Variants in ABCA13 observed in about 807,000 individuals in gnomAD.
ABCA13 encodes ATP-binding cassette sub-family A member 13.
ABCA13 carries 476 observed loss-of-function variants against 478.7 expected under a neutral mutation model. The observed-to-expected ratio is 0.99, with a 90% CI of 0.92 to 1.07. ABCA13 has a LOEUF of 1.07. Ranked by LOEUF, ABCA13 falls within the 50% of genes least tolerant of loss-of-function variation. ABCA13 has a pLI of 0.00. For synonymous variants in ABCA13, 2,252 were observed against 2,158.9 expected, an observed-to-expected ratio of 1.04 and a Z score of -1.20; for missense variants, 6,060 against 5,910.6, an observed-to-expected ratio of 1.03 and a Z score of -0.83.
rs371333701 is a variant in ABCA13 at position 48,403,790 on chromosome 7, C to T, written c.11981C>T (p.Ser3994Leu). The part of the protein sequence containing the change: ...LSLGIAFMGM[S>L]RTVVLDEPTS... ...CTTGGCATTGCTTTCATGGGCATGTCGAGGACCGTGGTTCTGGATGAGCCC... is the reference window on the plus strand; with the variant it reads ...CTTGGCATTGCTTTCATGGGCATGTTGAGGACCGTGGTTCTGGATGAGCCC... The change falls in exon 39 of 62, where the codon TCG (serine) becomes TTG (leucine). Residue 3994 changes from serine (S) to leucine (L), a missense_variant. Transcript: ENST00000435803. 1.5e-5 allele frequency: 24 copies of T among 1,613,908 alleles called. No individual in the cohort carries two copies. The highest frequency in any genetic ancestry group is 6.7e-5 in the African/African-American group (5 of 75,032).
chr7:48,329,747 A>G (rs1005504772), intron 27 of ABCA13, among the ~76,000 whole-genome samples: 2 of 151,958 alleles, frequency 1.3e-5, no homozygotes, highest in African/African-American at 4.8e-5. Flanking sequence ...CCATCCACAC[A>G]TCTATCTGTC....
intron 20 of ABCA13, among the ~76,000 whole-genome samples, chr7:48,293,849 G>A (rs1217121825): frequency 6.6e-6 from 1 of 152,178 alleles, no homozygotes; most frequent in African/African-American, 2.4e-5. Flanking sequence ...GGTTAGAGAT[G>A]TGGAGAGTGG....
intron 3 of ABCA13, among the ~76,000 whole-genome samples, chr7:48,206,973 A>G (rs1371457419): frequency 6.6e-6 from 1 of 151,992 alleles, no homozygotes; most frequent in African/African-American, 2.4e-5. Context: ...CCTCACCACT[A>G]CCCTTCTCAG....
At chr7:48,574,117 A>G (rs1190951742) in intron 55 of ABCA13, among the ~76,000 whole-genome samples, 4 of 152,044 alleles carry the variant, frequency 2.6e-5, no homozygotes, top group African/African-American at 9.7e-5. Flanking sequence ...TATTATTATT[A>G]TTACTATTAT....
At chr7:48,244,909 T>A (rs1791436959) in intron 11 of ABCA13, among the ~76,000 whole-genome samples, 1 of 152,184 alleles carries the variant, frequency 6.6e-6, no homozygotes, top group Non-Finnish European at 1.5e-5. Flanking sequence ...AAGGGCACAG[T>A]GAAGAGCGCA....
chr7:48,567,456 A>ATT (rs891482418), intron 55 of ABCA13, among the ~76,000 whole-genome samples: 54 of 152,246 alleles, frequency 3.5e-4, no homozygotes, highest in South Asian at 6.2e-4. Context: ...TAGGGAGCTC[A>ATT]TTGAGATTGG....
At chr7:48,513,678 T>C (rs1312032827) in intron 51 of ABCA13, among the ~76,000 whole-genome samples, 1 of 152,188 alleles carries the variant, frequency 6.6e-6, no homozygotes, top group African/African-American at 2.4e-5. Context: ...TTTAAAATCA[T>C]TAAAATGATA....
intron 4 of ABCA13, among the ~76,000 whole-genome samples, chr7:48,220,664 C>G (rs1787233532): frequency 6.6e-6 from 1 of 152,146 alleles, no homozygotes; most frequent in African/African-American, 2.4e-5. Context: ...CAAAATGTAT[C>G]AAAATAGACC....
intron 15 of ABCA13, among the ~76,000 whole-genome samples, chr7:48,253,977 C>CT (rs999693519): frequency 6.7e-6 from 1 of 150,076 alleles, no homozygotes; most frequent in African/African-American, 2.5e-5. Flanking sequence ...AATGTTTCTT[C>CT]TTTTTTCTAT....
intron 3 of ABCA13, among the ~76,000 whole-genome samples, chr7:48,210,825 T>G (rs1212441450): frequency 6.6e-6 from 1 of 152,180 alleles, no homozygotes; most frequent in Admixed American, 6.5e-5. Context: ...AGCTGTTGGA[T>G]GGAATGTTCT....
intron 48 of ABCA13, among the ~76,000 whole-genome samples, chr7:48,490,996 A>G (rs1177264309): frequency 5.3e-5 from 8 of 152,198 alleles, no homozygotes; most frequent in Non-Finnish European, 1.2e-4. Flanking sequence ...TTTCAGACAG[A>G]TGGGAGAAAA....
intron 4 of ABCA13, among the ~76,000 whole-genome samples, chr7:48,219,904 ACACAC>A (rs1787115200): frequency 6.7e-6 from 1 of 149,530 alleles, no homozygotes; most frequent in Non-Finnish European, 1.5e-5. Context: ...ACACACACAC[ACACAC>A]ACACACACAC....
Position 48,298,512 on chromosome 7 carries a change from T to G in ABCA13, c.9321+25T>G, listed in dbSNP as rs774835682. ...GGTGTGGTGCTGTTTCTTGTCTGTC[T>G]GTTTTGCTCATGGAAGGAGCCTTAG... On this transcript the variant is annotated intron_variant, in intron 23 of 61. Transcript: ENST00000435803. 14 of 1,602,948 alleles carry G rather than the reference T, an allele frequency of 8.7e-6. No individual in the cohort carries two copies. In the African/African-American group the frequency reaches 1.5e-4, roughly 17 times the overall value.
In ABCA13 at chr7:48,273,682, A is replaced by G. The variant is rs745404734; in HGVS notation, c.4016A>G (p.His1339Arg). 1.9e-6 allele frequency: 3 copies of G among 1,608,044 alleles called. No homozygotes were observed. Among genetic ancestry groups the G allele is most frequent in the East Asian group, 2.2e-5 (1 of 44,750 alleles). ...EAIVFLRNVS[H>R]DRDLFSCADI... ...ATAGTATTTCTTAGAAATGTATCAC[A>G]TGATCGAGATTTGTTTTCCTGTGCT... Residue 1339 changes from histidine (H) to arginine (R), a missense_variant, in exon 17 of 62, where the codon CAT (histidine) becomes CGT (arginine). Physicochemically the swap from His to Arg is conservative, Grantham distance 29 (BLOSUM62 0). This residue lies in a region of ABCA13 where 4,423 missense variants were observed against 4,309.1 expected (regional missense o/e 1.03). Coordinates refer to ENST00000435803, the MANE Select transcript of ABCA13 (RefSeq NM_152701.5).
intron 19 of ABCA13, among the ~76,000 whole-genome samples, chr7:48,286,809 T>G (rs1797826131): frequency 6.6e-6 from 1 of 152,198 alleles, no homozygotes; most frequent in South Asian, 2.1e-4. Context: ...GGCTCAGAAC[T>G]TTTTATAAAG....
intron 59 of ABCA13, among the ~76,000 whole-genome samples, chr7:48,642,302 G>A (rs73096430): frequency 0.064 from 9,693 of 152,184 alleles, 438 homozygotes; most frequent in Middle Eastern, 0.11. Flanking sequence ...AAAATAATTT[G>A]ACCATAAATC....
At chr7:48,624,112 A>G (rs1317586042) in intron 59 of ABCA13, among the ~76,000 whole-genome samples, 1 of 150,276 alleles carries the variant, frequency 6.7e-6, no homozygotes, top group East Asian at 1.9e-4. Context: ...CTCAGTTAAT[A>G]ACAGAGGAGA....
At chr7:48,308,396 ATATAG>A (rs1801232256) in intron 23 of ABCA13, among the ~76,000 whole-genome samples, 1 of 152,218 alleles carries the variant, frequency 6.6e-6, no homozygotes, top group Non-Finnish European at 1.5e-5. Context: ...AATAATGATA[ATATAG>A]TATAGTTAGT....
intron 39 of ABCA13, among the ~76,000 whole-genome samples, chr7:48,409,388 T>G (rs1417208687): frequency 2.0e-5 from 3 of 152,232 alleles, no homozygotes; most frequent in African/African-American, 7.2e-5. Flanking sequence ...GATGCTAGAA[T>G]GCTTAGAGAA....
Sources: allele counts gnomAD v4.1 joint callset (sites outside exome capture counted in the v4.1 genomes callset), GRCh38; gene constraint gnomAD v4.1.1; regional missense constraint gnomAD v4.1.1; transcripts MANE v1.5; gene names NCBI Gene and HGNC (gene_info 2026-07-23, HGNC 2026-07-21).